PALMD: variants seen among roughly 807,000 people sequenced by gnomAD.
PALMD encodes the protein palmdelphin.
PALMD carries 42 observed loss-of-function variants against 56.2 expected under a neutral mutation model. The observed-to-expected ratio is 0.75, with a 90% CI of 0.58 to 0.97. PALMD has a LOEUF of 0.97. PALMD is among the 50% of genes least tolerant of loss of function. The probability of loss-of-function intolerance (pLI) is 0.00; values close to 1 mark genes in which losing one functional copy is unlikely to be tolerated. For synonymous variants in PALMD, 242 were observed against 222.9 expected (o/e 1.09, Z -0.76); for missense variants, 660 against 643.8 (o/e 1.03, Z -0.27).
intron 6 of PALMD, among the ~76,000 whole-genome samples, chr1:99,688,211 C>G (rs376068475): frequency 3.3e-5 from 5 of 152,056 alleles, no homozygotes; most frequent in Admixed American, 1.3e-4. Context: ...TTCTCCCTCC[C>G]GTTTCCATCC....
At chr1:99,659,796 A>G (rs1340230337) in intron 1 of PALMD, among the ~76,000 whole-genome samples, 1 of 152,234 alleles carries the variant, frequency 6.6e-6, no homozygotes, top group Non-Finnish European at 1.5e-5. Context: ...GATCATGCCT[A>G]TAAACATTAT....
rs1653596612 is a variant in PALMD at position 99,689,152 on chromosome 1, G to A, written c.892G>A (p.Val298Ile). ...KIKTNGLGIG[V>I]NESIHNMGNG... Reference sequence around the variant, plus strand: ...TAAAACTAATGGACTGGGTATTGGTGTAAATGAATCCATACACAATATGGG... The same window carrying A: ...TAAAACTAATGGACTGGGTATTGGTATAAATGAATCCATACACAATATGGG... Residue 298 changes from valine to isoleucine, a missense_variant, in exon 7 of 8, where the codon GTA (valine) becomes ATA (isoleucine). Coordinates refer to ENST00000263174, the MANE Select transcript of PALMD (RefSeq NM_017734.5). 6.2e-7 allele frequency: 1 copy of A among 1,613,668 alleles called. No individual in the cohort carries two copies. The highest frequency in any genetic ancestry group is 8.5e-7 in the Non-Finnish European group (1 of 1,179,792).
At position 99,686,762 on chromosome 1, in the gene PALMD, T is replaced by A. The variant is rs142332137; in HGVS notation, c.338T>A (p.Ile113Asn). 1.2e-4 allele frequency: 198 copies of A among 1,598,980 alleles called. No individual in the cohort carries two copies. The highest frequency in any genetic ancestry group is 1.7e-4 in the Non-Finnish European group (194 of 1,167,498). ...GCCATTTTAAAGAAACTAAAGTCAATTGAGCGGACAACAGAAGACATTATA... is the reference window on the plus strand; with the variant it reads ...GCCATTTTAAAGAAACTAAAGTCAAATGAGCGGACAACAGAAGACATTATA... ...EEAILKKLKS[I>N]ERTTEDIIRS... The change falls in exon 4 of 8, where the codon ATT becomes AAT. Residue 113 changes from isoleucine to asparagine, a missense_variant. Transcript: ENST00000263174.
chr1:99,667,566 A>C (rs953705009), intron 2 of PALMD, 76 bp from the exon 3 acceptor site: 2 of 1,203,836 alleles, frequency 1.7e-6, no homozygotes, highest in African/African-American at 3.1e-5. Context: ...TGAAATTCAT[A>C]AGATTTGAAA....
At chr1:99,664,374 ATAGGGCCT>A (rs2100860395) in intron 2 of PALMD, among the ~76,000 whole-genome samples, 1 of 152,334 alleles carries the variant, frequency 6.6e-6, no homozygotes, top group South Asian at 2.1e-4. Context: ...ATGGATGTAT[ATAGGGCCT>A]TTAGTCAATA....
rs776406361 is a variant in PALMD, at chr1:99,689,088, G to T, written c.828G>T (p.Thr276=). 6.2e-7 allele frequency: 1 copy of T among 1,613,324 alleles called. No individual in the cohort carries two copies. Among genetic ancestry groups the T allele is most frequent in the Non-Finnish European group, 8.5e-7 (1 of 1,179,702 alleles). ...GGCCTACAACCCCACAGAGAGAAAC[G>T]GTGACCCCTGGACCAAACTTTCAAG... ...FYRPTTPQRE[T]VTPGPNFQER... The change falls in exon 7 of 8, where the codon ACG becomes ACT. Residue 276 remains threonine (T), a synonymous_variant. Coordinates refer to ENST00000263174, the MANE Select transcript of PALMD (RefSeq NM_017734.5).
rs950476893 is a variant in PALMD, at chr1:99,667,580, G to C, written c.127-62G>C. The stretch of plus-strand genomic sequence containing the variant: ...TTGAAATTCATAAGATTTGAAAGCA[G>C]TAAGAGATTTTGGAAATTATTGACC... On this transcript the variant is annotated intron_variant, in intron 2 of 7. Transcript: ENST00000263174. 4.3e-6 allele frequency: 6 copies of C among 1,385,124 alleles called. No individual in the cohort carries two copies. In the African/African-American group the frequency reaches 8.7e-5, roughly 20 times the overall value. 85.8% of individuals were successfully genotyped at this position (1,385,124 alleles called of 1,614,324 possible).
intron 3 of PALMD, chr1:99,685,653 A>G (rs950019039): frequency 2.0e-5 from 3 of 152,184 alleles, no homozygotes; most frequent in Non-Finnish European, 4.4e-5. Context: ...GCCCATGACC[A>G]TCTTCAAGAA....
intron 2 of PALMD, among the ~76,000 whole-genome samples, chr1:99,665,931 A>T (rs1652949812): frequency 6.6e-6 from 1 of 152,210 alleles, no homozygotes; most frequent in Admixed American, 6.5e-5. Context: ...CTAAACAGCT[A>T]TAATAAATGG....
intron 3 of PALMD, among the ~76,000 whole-genome samples, chr1:99,675,574 G>C (rs1653181865): frequency 6.6e-6 from 1 of 152,084 alleles, no homozygotes. Flanking sequence ...TCCTCTACAA[G>C]CCCTAATTTA....
In PALMD at chr1:99,662,365, T is replaced by C. The variant is rs754770377; in HGVS notation, c.92T>C (p.Ile31Thr). ...GAAATCTCACAGAAGCGTCTGAAAA[T>C]AGAGGAAGACAAACTAAAGCACCAG... The part of the protein sequence containing the change: ...QEEISQKRLK[I>T]EEDKLKHQHL... Residue 31 changes from isoleucine (I) to threonine (T), a missense_variant, in exon 2 of 8, where the codon ATA (isoleucine) becomes ACA (threonine). Coordinates refer to ENST00000263174, the MANE Select transcript of PALMD (RefSeq NM_017734.5). 1 of 1,577,020 alleles carries C rather than the reference T, an allele frequency of 6.3e-7. No homozygotes were observed. The highest frequency in any genetic ancestry group is 1.1e-5 in the South Asian group (1 of 87,102).
At chr1:99,660,004 C>T (rs945660475) in intron 1 of PALMD, among the ~76,000 whole-genome samples, 3 of 152,200 alleles carry the variant, frequency 2.0e-5, no homozygotes, top group Non-Finnish European at 4.4e-5. Flanking sequence ...GGCAAACCAG[C>T]CCAAACTGGC....
intron 1 of PALMD, among the ~76,000 whole-genome samples, chr1:99,647,345 A>C (rs2100850365): frequency 6.6e-6 from 1 of 152,300 alleles, no homozygotes; most frequent in Middle Eastern, 3.4e-3. Context: ...TGTTCTTAAA[A>C]TTTTCATTGC....
chr1:99,671,934 A>G (rs12059397), intron 3 of PALMD, among the ~76,000 whole-genome samples: 1,633 of 152,254 alleles, frequency 0.011, 31 homozygotes, highest in African/African-American at 0.037. Flanking sequence ...ATAAAATTGC[A>G]CCTCAGAGCC....
intron 3 of PALMD, among the ~76,000 whole-genome samples, chr1:99,683,084 GAGAGAGAAAGAAAGAA>G (rs1349647296): frequency 0.025 from 392 of 15,402 alleles, 4 homozygotes; most frequent in South Asian, 0.029. Flanking sequence ...GAGAGAGAGA[GAGAGAGAAAGAAAGAA>G]AGAAAGAAAG....
intron 3 of PALMD, among the ~76,000 whole-genome samples, chr1:99,679,411 C>T (rs1400746403): frequency 6.6e-6 from 1 of 151,898 alleles, no homozygotes; most frequent in Admixed American, 6.6e-5. Flanking sequence ...TGAAGGAGAC[C>T]GTTCTAAGAA....
intron 3 of PALMD, among the ~76,000 whole-genome samples, chr1:99,670,895 AC>A (rs1653068935): frequency 1.3e-5 from 2 of 152,318 alleles, no homozygotes; most frequent in African/African-American, 4.8e-5. Context: ...GCTAAAAAAA[AC>A]AAAAACAAAA....
chr1:99,667,197 T>A (rs1165606429), intron 2 of PALMD, among the ~76,000 whole-genome samples: 1 of 152,190 alleles, frequency 6.6e-6, no homozygotes, highest in East Asian at 1.9e-4. Context: ...CCAGGGGGAA[T>A]ATCAAAATAG....
intron 3 of PALMD, among the ~76,000 whole-genome samples, chr1:99,672,111 CATA>C (rs1302510107): frequency 2.0e-5 from 3 of 152,318 alleles, no homozygotes; most frequent in African/African-American, 7.2e-5. Context: ...CTGACTCACA[CATA>C]ACCTTTAAGT....
Sources: allele counts gnomAD v4.1 joint callset (sites outside exome capture counted in the v4.1 genomes callset), GRCh38; gene constraint gnomAD v4.1.1; transcripts MANE v1.5; gene names NCBI Gene and HGNC (gene_info 2026-07-23, HGNC 2026-07-21).